Variants in DMD observed in about 807,000 individuals in gnomAD.
The protein encoded by DMD is mutant dystrophin.
In DMD, 63 loss-of-function variants were observed where a neutral mutation model predicts 330.1. The observed-to-expected ratio is 0.19, with a 90% CI of 0.16 to 0.24. DMD has a LOEUF of 0.24. Ranked by LOEUF, DMD falls within the 10% of genes least tolerant of loss-of-function variation. DMD has a pLI of 1.00. For missense variants in DMD, 3,344 were observed against 2,684.1 expected (o/e 1.25, Z -5.43); for synonymous variants, 1,223 against 959.8 (o/e 1.27, Z -5.07).
At position 32,343,160 on chromosome X, in the gene DMD, C is replaced by T; in HGVS notation, c.5713G>A (p.Glu1905Lys). The T allele has an allele frequency of 1.7e-6, 2 of 1,210,823 alleles. No homozygotes were observed. The highest frequency in any genetic ancestry group is 2.2e-5 in the Admixed American group (1 of 45,945). The change falls in exon 40 of 79, where the codon GAG becomes AAG. Residue 1905 changes from glutamate (E) to lysine (K), a missense_variant. Coordinates refer to ENST00000357033, the MANE Select transcript of DMD (RefSeq NM_004006.3). ...DIEKKLASLP[E>K]PRDERKIKEI... ...TTTATTTTCCTTTCATCTCTGGGCT[C>T]AGGTAGGCTGGCTAATTTTTTTTCA...
At chrX:33,039,067 G>A (rs753200621) in intron 1 of DMD, among the ~76,000 whole-genome samples, 45 of 111,622 alleles carry the variant, frequency 4.0e-4, no homozygotes, top group African/African-American at 1.4e-3. Context: ...TCATTTCTCC[G>A]AAGACTATTT....
chrX:32,720,990 T>C (rs2066247551), intron 7 of DMD, among the ~76,000 whole-genome samples: 1 of 111,578 alleles, frequency 9.0e-6, no homozygotes, highest in African/African-American at 3.3e-5. Context: ...GTGTCTTGCT[T>C]ATTTCACTTA....
chrX:31,674,691 C>T (rs1461027159), intron 53 of DMD, among the ~76,000 whole-genome samples: 2 of 112,183 alleles, frequency 1.8e-5, no homozygotes, highest in African/African-American at 6.5e-5. Flanking sequence ...AATGAAAACT[C>T]GGAGCCTGGG....
chrX:33,254,054 G>C (rs1295734539), intron 1 of DMD, among the ~76,000 whole-genome samples: 1 of 110,201 alleles, frequency 9.1e-6, no homozygotes, highest in Non-Finnish European at 1.9e-5. Flanking sequence ...TTTGTAAACA[G>C]TTAGCAGAAA....
intron 9 of DMD, among the ~76,000 whole-genome samples, chrX:32,655,049 G>T (rs2060461541): frequency 9.1e-6 from 1 of 110,492 alleles, no homozygotes; most frequent in African/African-American, 3.3e-5. Flanking sequence ...TTTCTTATTA[G>T]TCTTGCTAGC....
chrX:33,303,412 T>C (rs2053697608), intron 1 of DMD, among the ~76,000 whole-genome samples: 1 of 111,844 alleles, frequency 8.9e-6, no homozygotes, highest in Admixed American at 9.5e-5. Flanking sequence ...CGAAGAGACT[T>C]ACATATAATA....
chrX:31,615,999 C>T (rs2078178055), intron 55 of DMD, among the ~76,000 whole-genome samples: 1 of 111,899 alleles, frequency 8.9e-6, no homozygotes, highest in Non-Finnish European at 1.9e-5. Context: ...ATCACCCTCA[C>T]AACAACCTGA....
intron 1 of DMD, among the ~76,000 whole-genome samples, chrX:33,132,801 T>G (rs5972760): frequency 0.44 from 49,004 of 111,249 alleles, 9,375 homozygotes; most frequent in Non-Finnish European, 0.59. Context: ...CACGTTATGT[T>G]ATTTATATCA....
chrX:32,668,422 T>C (rs1252420662), intron 9 of DMD, among the ~76,000 whole-genome samples: 1 of 112,114 alleles, frequency 8.9e-6, no homozygotes, highest in Non-Finnish European at 1.9e-5. Flanking sequence ...CTAAATGGAA[T>C]AGTCTGTTGC....
At chrX:31,729,883 T>A in intron 51 of DMD, 135 bp from the exon 52 acceptor site, 1 of 494,563 alleles carries the variant, frequency 2.0e-6, no homozygotes, top group Non-Finnish European at 3.5e-6. Context: ...TGTATAAGGG[T>A]TTATAGAAAA....
intron 1 of DMD, among the ~76,000 whole-genome samples, chrX:33,299,615 G>A (rs767368977): frequency 9.0e-6 from 1 of 111,492 alleles, no homozygotes; most frequent in African/African-American, 3.3e-5. Flanking sequence ...TACAGTCTAG[G>A]GGTGGACAGG....
intron 2 of DMD, among the ~76,000 whole-genome samples, chrX:32,945,876 A>T (rs1306533265): frequency 9.0e-6 from 1 of 111,533 alleles, no homozygotes; most frequent in East Asian, 2.8e-4. Flanking sequence ...ATTTGGCATG[A>T]TAACTTCTTC....
chrX:32,309,481 A>G (rs1334238937), intron 42 of DMD, among the ~76,000 whole-genome samples: 1 of 111,054 alleles, frequency 9.0e-6, no homozygotes. Context: ...TTCATAGCCT[A>G]TTTCATCATC....
intron 44 of DMD, among the ~76,000 whole-genome samples, chrX:31,973,980 C>T (rs1418632849): frequency 9.0e-6 from 1 of 111,588 alleles, no homozygotes; most frequent in Non-Finnish European, 1.9e-5. Flanking sequence ...CTGTCTTGTG[C>T]TATTCACAAT....
At chrX:33,166,616 G>A (rs2049065744) in intron 1 of DMD, among the ~76,000 whole-genome samples, 1 of 110,846 alleles carries the variant, frequency 9.0e-6, no homozygotes, top group Non-Finnish European at 1.9e-5. Flanking sequence ...AAAAAAGTGT[G>A]TTACCTGATT....
At chrX:32,769,940 A>G (rs1312851758) in intron 7 of DMD, among the ~76,000 whole-genome samples, 1 of 112,070 alleles carries the variant, frequency 8.9e-6, no homozygotes, top group African/African-American at 3.2e-5. Context: ...AAGATTGAAC[A>G]CATAGTCATC....
chrX:33,201,665 G>A (rs927862241), intron 1 of DMD, among the ~76,000 whole-genome samples: 9 of 112,194 alleles, frequency 8.0e-5, no homozygotes, highest in Non-Finnish European at 1.5e-4. Flanking sequence ...TATGTAAAAA[G>A]GCAACAGTAA....
At chrX:31,736,403 T>C (rs1411568366) in intron 51 of DMD, among the ~76,000 whole-genome samples, 1 of 111,158 alleles carries the variant, frequency 9.0e-6, no homozygotes, top group Non-Finnish European at 1.9e-5. Flanking sequence ...AAGTGGTGAA[T>C]CATCTGAGGA....
chrX:31,282,232 A>G (rs1425311432), intron 62 of DMD, among the ~76,000 whole-genome samples: 1 of 112,227 alleles, frequency 8.9e-6, no homozygotes, highest in Admixed American at 9.4e-5. Flanking sequence ...GAGCTAAATA[A>G]TAGGCATATA....
Sources: gnomAD v4.1 joint callset for allele counts (sites outside exome capture counted in the v4.1 genomes callset) on GRCh38, gnomAD v4.1.1 for gene constraint, MANE v1.5 for transcripts, NCBI Gene and HGNC (gene_info 2026-07-23, HGNC 2026-07-21) for gene names.